UTY: variants seen among roughly 807,000 people sequenced by gnomAD.
UTY encodes histone demethylase UTY.
Under a neutral mutation model 32.5 loss-of-function variants are expected in UTY, and 12 were observed. That is an observed-to-expected ratio of 0.37 (90% CI 0.24 to 0.60). The LOEUF (loss-of-function observed/expected upper bound fraction) is 0.60. Among genes scored for constraint, UTY ranks in the 20% least tolerant of loss-of-function variants. The pLI is 0.69. For missense variants in UTY, 303 were observed against 299.2 expected, an observed-to-expected ratio of 1.01 and a Z score of -0.09; for synonymous variants, 131 against 103.4, an observed-to-expected ratio of 1.27 and a Z score of -1.62.
chrY:13,308,252 C>CA (rs778793743), intron 21 of UTY, among the ~76,000 whole-genome samples: 39 of 6,435 alleles, frequency 6.1e-3, no homozygotes, highest in South Asian at 0.023. Flanking sequence ...GAGACTGTCT[C>CA]AAAAAAAAAA....
At chrY:13,271,892 T>A in intron 27 of UTY, among the ~76,000 whole-genome samples, 2 of 33,822 alleles carry the variant, frequency 5.9e-5, no homozygotes, top group African/African-American at 1.1e-4. Context: ...AGTGTCAGAA[T>A]GATGCAATGT....
chrY:13,235,808 C>G, intron 28 of UTY, among the ~76,000 whole-genome samples: 1 of 33,715 alleles, frequency 3.0e-5, no homozygotes, highest in Non-Finnish European at 7.4e-5. Flanking sequence ...GAGACAAGGT[C>G]CCACTCTGTT....
intron 6 of UTY, among the ~76,000 whole-genome samples, chrY:13,407,981 A>G (rs556837751): frequency 1.1e-3 from 38 of 33,102 alleles, no homozygotes; most frequent in Admixed American, 0.011. Context: ...ATCACAATAT[A>G]TCCATTCTGT....
intron 27 of UTY, among the ~76,000 whole-genome samples, chrY:13,281,917 C>G (rs746166954): frequency 3.0e-5 from 1 of 33,115 alleles, no homozygotes; most frequent in African/African-American, 1.2e-4. Flanking sequence ...CCAAATGGAC[C>G]TGACATATAT....
intron 27 of UTY, among the ~76,000 whole-genome samples, chrY:13,279,221 C>T: frequency 3.0e-5 from 1 of 33,737 alleles, no homozygotes; most frequent in South Asian, 6.5e-4. Flanking sequence ...GCTTGGGGTG[C>T]CCCTTAGGCA....
At chrY:13,301,215 T>A in intron 25 of UTY, among the ~76,000 whole-genome samples, 1 of 32,435 alleles carries the variant, frequency 3.1e-5, no homozygotes, top group Non-Finnish European at 7.5e-5. Context: ...TTTAAAAAGC[T>A]TGCCAGTAAA....
intron 5 of UTY, among the ~76,000 whole-genome samples, chrY:13,411,938 T>C (rs2071010786): frequency 3.0e-5 from 1 of 33,823 alleles, no homozygotes; most frequent in East Asian, 7.6e-4. Flanking sequence ...TTGATATAAA[T>C]CAAGTACTCA....
chrY:13,414,550 G>C, intron 5 of UTY, among the ~76,000 whole-genome samples, 185 bp downstream of exon 5: 2 of 33,651 alleles, frequency 5.9e-5, no homozygotes, highest in East Asian at 1.6e-3. Context: ...GCACTCGAAT[G>C]GGGTAAAACA....
chrY:13,351,509 C>T, intron 17 of UTY, among the ~76,000 whole-genome samples: 1 of 32,572 alleles, frequency 3.1e-5, no homozygotes, highest in East Asian at 8.1e-4. Flanking sequence ...TGTCAATAGT[C>T]CTGAATTCTC....
intron 27 of UTY, among the ~76,000 whole-genome samples, chrY:13,290,300 T>C: frequency 9.1e-5 from 3 of 32,893 alleles, no homozygotes; most frequent in Non-Finnish European, 2.3e-4. Context: ...CTCAAATAAA[T>C]ACAATCAGAG....
At chrY:13,352,318 T>A (rs111573921) in intron 17 of UTY, among the ~76,000 whole-genome samples, 22 of 33,423 alleles carry the variant, frequency 6.6e-4, no homozygotes, top group African/African-American at 2.3e-3. Context: ...GATTTTTTTT[T>A]AATTTTTTGA....
chrY:13,335,115 C>T (rs893645142), intron 18 of UTY, among the ~76,000 whole-genome samples: 1 of 33,105 alleles, frequency 3.0e-5, no homozygotes, highest in Admixed American at 2.7e-4. Flanking sequence ...GCATTGTTTA[C>T]ACTCCTAAGT....
chrY:13,260,377 T>C lies in UTY; in HGVS notation c.4038A>G (p.Gln1346=). 1 of 393,719 alleles carries C rather than the reference T, an allele frequency of 2.5e-6. No homozygotes were observed. The highest frequency in any genetic ancestry group is 6.4e-5 in the African/African-American group (1 of 15,631). Residue 1346 remains glutamine, a synonymous_variant, in exon 28 of 30, where the codon CAA becomes CAG. Coordinates refer to ENST00000545955, the MANE Select transcript of UTY (RefSeq NM_001258249.2). The stretch of plus-strand genomic sequence containing the variant: ...CAAGAGCTTCTCTCAATGTCTGATA[T>C]TGCTTCAGAATTTTCAAAAGACAAT... ...IKYCLLKILK[Q]YQTLREALVA... is the part of the protein sequence containing the mutation.
chrY:13,431,593 C>T (rs779755837), intron 4 of UTY, among the ~76,000 whole-genome samples: 2 of 32,352 alleles, frequency 6.2e-5, no homozygotes, highest in Non-Finnish European at 7.6e-5. Context: ...TCATCTACTG[C>T]ATGCAGCAAT....
intron 21 of UTY, among the ~76,000 whole-genome samples, chrY:13,315,904 C>T (rs2059454655): frequency 3.1e-5 from 1 of 32,777 alleles, no homozygotes; most frequent in Non-Finnish European, 7.5e-5. Context: ...CCCTCATTTC[C>T]ACACCTAACC....
Position 13,358,584 on chromosome Y carries a change from T to A in UTY, c.1356A>T (p.Val452=). The change falls in exon 14 of 30, where the codon GTA becomes GTT. Residue 452 remains valine (V), a synonymous_variant. Coordinates refer to ENST00000545955, the MANE Select transcript of UTY (RefSeq NM_001258249.2). ...YRAHDPNTEH[V]LNHSQTPILQ... is the part of the protein sequence containing the mutation. ...AAATTGGTGTTTGACTGTGGTTTAATACATGTTCAGTATTTGGATCATGAG... is the reference window on the plus strand; with the variant it reads ...AAATTGGTGTTTGACTGTGGTTTAAAACATGTTCAGTATTTGGATCATGAG... 1 of 376,978 alleles carries A rather than the reference T, an allele frequency of 2.7e-6. No homozygotes were observed. Among genetic ancestry groups the A allele is most frequent in the East Asian group, 1.0e-4 (1 of 9,949 alleles). The allele number at this position is 376,978 out of a possible 400,897, so 94.0% of individuals were successfully genotyped here.
At chrY:13,324,261 T>C in intron 20 of UTY, among the ~76,000 whole-genome samples, 1 of 32,172 alleles carries the variant, frequency 3.1e-5, no homozygotes, top group Non-Finnish European at 7.6e-5. Flanking sequence ...GAAAATATCT[T>C]GGGTACCTGA....
chrY:13,290,966 C>T (rs2057734636), intron 27 of UTY, among the ~76,000 whole-genome samples: 4 of 30,663 alleles, frequency 1.3e-4, no homozygotes, highest in African/African-American at 5.2e-4. Flanking sequence ...CTGCAACCTC[C>T]GACTCCCGGG....
At chrY:13,326,917 T>G in intron 18 of UTY, among the ~76,000 whole-genome samples, 1 of 33,905 alleles carries the variant, frequency 2.9e-5, no homozygotes, top group African/African-American at 1.1e-4. Context: ...TCTTATAATT[T>G]TAAGTGAAGT....
Sources: allele counts gnomAD v4.1 joint callset (sites outside exome capture counted in the v4.1 genomes callset), GRCh38; gene constraint gnomAD v4.1.1; transcripts MANE v1.5; gene names NCBI Gene and HGNC (gene_info 2026-07-23, HGNC 2026-07-21).